The following CTTNBP2NL variants were observed in gnomAD, a reference collection of about 807,000 sequenced individuals.
CTTNBP2NL encodes the protein CTTNBP2 N-terminal-like protein.
CTTNBP2NL carries 16 observed loss-of-function variants against 32.5 expected under a neutral mutation model. The observed-to-expected ratio is 0.49, with a 90% CI of 0.33 to 0.75. The LOEUF (loss-of-function observed/expected upper bound fraction) is 0.75, where lower values mean the gene tolerates loss of function less well. CTTNBP2NL is among the 30% of genes least tolerant of loss of function. The probability of loss-of-function intolerance (pLI) is 0.02; values close to 1 mark genes in which losing one functional copy is unlikely to be tolerated. For missense variants in CTTNBP2NL, 645 were observed against 756.0 expected (o/e 0.85, Z 1.72); for synonymous variants, 298 against 289.4 (o/e 1.03, Z -0.30).
In CTTNBP2NL at chr1:112,448,955, A is replaced by G. The variant is rs763718009; in HGVS notation, c.113A>G (p.Asp38Gly). 1 of 1,605,584 alleles carries G rather than the reference A, an allele frequency of 6.2e-7. No homozygotes were observed. Among genetic ancestry groups the G allele is most frequent in the Non-Finnish European group, 8.5e-7 (1 of 1,172,342 alleles). ...VIEALKAQHR[D>G]TFIEERYGKY... ...CCTCTTTCCCAGGCCCAACACAGAGATACTTTCATTGAAGAACGCTATGGA... is the reference window on the plus strand; with the variant it reads ...CCTCTTTCCCAGGCCCAACACAGAGGTACTTTCATTGAAGAACGCTATGGA... Residue 38 changes from aspartate to glycine, a missense_variant, in exon 4 of 6, where the codon GAT (aspartate) becomes GGT (glycine). Asp to Gly is a moderately conservative substitution (Grantham distance 94). Coordinates refer to ENST00000271277, the MANE Select transcript of CTTNBP2NL (RefSeq NM_018704.3).
intron 3 of CTTNBP2NL, among the ~76,000 whole-genome samples, chr1:112,444,173 TA>T (rs1649972349): frequency 6.6e-6 from 1 of 152,210 alleles, no homozygotes. Flanking sequence ...AATAAAACCT[TA>T]TAGTTGAATA....
chr1:112,444,234 G>T (rs531771847), intron 3 of CTTNBP2NL, among the ~76,000 whole-genome samples: 1 of 152,120 alleles, frequency 6.6e-6, no homozygotes, highest in African/African-American at 2.4e-5. Flanking sequence ...GATTTTGAAC[G>T]ATTTTTCATG....
Position 112,456,739 on chromosome 1 carries a change from G to C in CTTNBP2NL, c.1247G>C (p.Ser416Thr), listed in dbSNP as rs1360536931. ...LSSSGSSLSP[S>T]STASSSLTSS... ...TCCAGTGGGAGCTCACTGTCTCCCA[G>C]CAGCACTGCCTCCTCCTCTCTAACA... The change falls in exon 6 of 6, where the codon AGC becomes ACC. Residue 416 changes from serine (S) to threonine (T), a missense_variant. Coordinates refer to ENST00000271277, the MANE Select transcript of CTTNBP2NL (RefSeq NM_018704.3). The C allele has an allele frequency of 1.2e-6, 2 of 1,613,958 alleles. No individual in the cohort carries two copies. Among genetic ancestry groups the C allele is most frequent in the Non-Finnish European group, 1.7e-6 (2 of 1,180,020 alleles).
chr1:112,393,929 G>A (rs1038983099), upstream of CTTNBP2NL, among the ~76,000 whole-genome samples: 5 of 152,252 alleles, frequency 3.3e-5, no homozygotes, highest in South Asian at 2.1e-4. Flanking sequence ...AGGACCTGCC[G>A]GGCATGGTGG....
intron 1 of CTTNBP2NL, among the ~76,000 whole-genome samples, chr1:112,399,888 G>C (rs748016209): frequency 6.6e-6 from 1 of 151,992 alleles, no homozygotes; most frequent in African/African-American, 2.4e-5. Flanking sequence ...GGCCAACATG[G>C]TGAAACCCCT....
At chr1:112,419,295 T>G (rs1227408310) in intron 3 of CTTNBP2NL, among the ~76,000 whole-genome samples, 3 of 152,222 alleles carry the variant, frequency 2.0e-5, no homozygotes, top group Non-Finnish European at 4.4e-5. Context: ...TTAACTGTTG[T>G]GAGTTTTTTC....
intron 3 of CTTNBP2NL, among the ~76,000 whole-genome samples, chr1:112,430,527 C>A (rs562603229): frequency 6.9e-6 from 1 of 144,602 alleles, no homozygotes; most frequent in Non-Finnish European, 1.5e-5. Context: ...CGTGAGCCAC[C>A]GCACCAGGCC....
chr1:112,449,585 G>A (rs952250086), intron 4 of CTTNBP2NL, among the ~76,000 whole-genome samples: 1 of 151,860 alleles, frequency 6.6e-6, no homozygotes, highest in Non-Finnish European at 1.5e-5. Context: ...ATTTACCTGA[G>A]GATAAACACA....
Position 112,457,487 on chromosome 1 carries a change from A to G in CTTNBP2NL, c.*75A>G. On this transcript the variant is annotated 3_prime_UTR_variant, in exon 6 of 6. Coordinates refer to ENST00000271277, the MANE Select transcript of CTTNBP2NL (RefSeq NM_018704.3). ...AAGCTCAGTCAGACTTCTGAGTCAG[A>G]TTATGTTATTTATTTTGATAGTAGC... is the stretch of plus-strand genomic sequence containing the variant. 7.9e-7 allele frequency: 1 copy of G among 1,258,400 alleles called. No homozygotes were observed. The highest frequency in any genetic ancestry group is 1.1e-6 in the Non-Finnish European group (1 of 896,688). The allele number at this position is 1,258,400 out of a possible 1,614,324, so 78.0% of individuals were successfully genotyped here.
chr1:112,400,529 T>A (rs1243823068), intron 1 of CTTNBP2NL, among the ~76,000 whole-genome samples: 1 of 152,020 alleles, frequency 6.6e-6, no homozygotes, highest in Non-Finnish European at 1.5e-5. Context: ...GTGCAGTGGC[T>A]CACCTGTAAT....
chr1:112,392,541 T>C (rs1417670346), upstream of CTTNBP2NL, among the ~76,000 whole-genome samples: 1 of 152,210 alleles, frequency 6.6e-6, no homozygotes, highest in Admixed American at 6.5e-5. Flanking sequence ...AAAATTCATG[T>C]GCACCCATCT....
At chr1:112,398,950 C>G (rs1447498076) in intron 1 of CTTNBP2NL, among the ~76,000 whole-genome samples, 1 of 151,482 alleles carries the variant, frequency 6.6e-6, no homozygotes, top group Non-Finnish European at 1.5e-5. Flanking sequence ...TTTTATTGTT[C>G]TAAATATCTG....
intron 3 of CTTNBP2NL, among the ~76,000 whole-genome samples, chr1:112,447,213 G>A (rs2101028674): frequency 6.8e-6 from 1 of 146,242 alleles, no homozygotes; most frequent in East Asian, 2.0e-4. Context: ...GGTGGAGCTT[G>A]CAGTGAGCCA....
chr1:112,441,321 G>T (rs1649886287), intron 3 of CTTNBP2NL, among the ~76,000 whole-genome samples: 1 of 152,094 alleles, frequency 6.6e-6, no homozygotes, highest in South Asian at 2.1e-4. Context: ...TTTATGCCTG[G>T]CCTCTTTTTT....
intron 3 of CTTNBP2NL, among the ~76,000 whole-genome samples, chr1:112,439,617 G>A (rs1306748360): frequency 6.6e-6 from 1 of 152,128 alleles, no homozygotes; most frequent in East Asian, 1.9e-4. Context: ...GTGAGTGAAA[G>A]AGCCCAGCAC....
chr1:112,415,798 G>A (rs541421644), intron 2 of CTTNBP2NL: 44 of 231,912 alleles, frequency 1.9e-4, no homozygotes, highest in South Asian at 1.5e-3. Context: ...TTCGTGGTCC[G>A]CCCACCTTAG....
chr1:112,455,513 GTA>G (rs1650336985), intron 5 of CTTNBP2NL, among the ~76,000 whole-genome samples: 1 of 152,132 alleles, frequency 6.6e-6, no homozygotes, highest in South Asian at 2.1e-4. Flanking sequence ...CCAAAAAAAA[GTA>G]TGATTCAAAT....
upstream of CTTNBP2NL, among the ~76,000 whole-genome samples, chr1:112,394,912 G>A (rs981378935): frequency 6.6e-6 from 1 of 152,172 alleles, no homozygotes; most frequent in African/African-American, 2.4e-5. Flanking sequence ...ATCCTACACT[G>A]TAGGATAGAT....
chr1:112,454,876 T>C (rs1173044336), intron 5 of CTTNBP2NL, among the ~76,000 whole-genome samples: 1 of 152,228 alleles, frequency 6.6e-6, no homozygotes, highest in African/African-American at 2.4e-5. Flanking sequence ...TGGGGAATGG[T>C]AACTTAGCGC....
Sources: allele counts gnomAD v4.1 joint callset (sites outside exome capture counted in the v4.1 genomes callset), GRCh38; gene constraint gnomAD v4.1.1; transcripts MANE v1.5; gene names NCBI Gene and HGNC (gene_info 2026-07-23, HGNC 2026-07-21).